The following DGKI variants were observed in gnomAD, a reference collection of about 807,000 sequenced individuals.
The protein encoded by DGKI is DAG kinase iota.
Under a neutral mutation model 147.5 loss-of-function variants are expected in DGKI, and 55 were observed. That is an observed-to-expected ratio of 0.37 (90% CI 0.30 to 0.47). DGKI has a LOEUF of 0.47. DGKI is among the 20% of genes least tolerant of loss of function. The pLI, the probability that DGKI is intolerant of heterozygous loss-of-function variation, is 1.00. For synonymous variants in DGKI, 469 were observed against 477.1 expected (o/e 0.98, Z 0.22); for missense variants, 1,007 against 1,323.8 (o/e 0.76, Z 3.71).
rs1424374195 is a variant in DGKI, at chr7:137,429,866, A to T, written c.2761+14211T>A. On this transcript the variant is annotated intron_variant, in intron 28 of 32. Coordinates refer to ENST00000614521, the MANE Select transcript of DGKI (RefSeq NM_001321708.2). ...AAACCACAATGAGATACCATCTCACACCAGTTAGAATGGCAATCATTAAAA... is the reference window on the plus strand; with the variant it reads ...AAACCACAATGAGATACCATCTCACTCCAGTTAGAATGGCAATCATTAAAA... Among the ~76,000 whole-genome samples, 185 of 120,722 alleles carry T rather than the reference A, an allele frequency of 1.5e-3. 3 individuals are homozygous for T. The East Asian group carries it at 0.037, about 24-fold the overall frequency. 79.2% of individuals were successfully genotyped at this position (120,722 alleles called of 152,430 possible).
At chr7:137,645,567 T>A in intron 5 of DGKI, 30 bp from the exon 6 acceptor site, 1 of 1,582,272 alleles carries the variant, frequency 6.3e-7, no homozygotes, top group East Asian at 2.4e-5. Flanking sequence ...AATGAATATT[T>A]TTAAAAATTT....
intron 1 of DGKI, among the ~76,000 whole-genome samples, chr7:137,837,130 C>T (rs1798407410): frequency 6.6e-6 from 1 of 152,220 alleles, no homozygotes; most frequent in Non-Finnish European, 1.5e-5. Flanking sequence ...CTCTAAGCCT[C>T]AATGTCCTTC....
At chr7:137,643,135 C>CA (rs1222902699) in intron 6 of DGKI, among the ~76,000 whole-genome samples, 1 of 151,068 alleles carries the variant, frequency 6.6e-6, no homozygotes, top group African/African-American at 2.4e-5. Context: ...ACTAAAAATA[C>CA]AAAAAATTAG....
intron 2 of DGKI, among the ~76,000 whole-genome samples, chr7:137,686,796 G>C (rs1487231993): frequency 6.6e-6 from 1 of 152,120 alleles, no homozygotes; most frequent in Non-Finnish European, 1.5e-5. Context: ...TCTCCTCAAA[G>C]CCTTTTGCCA....
chr7:137,425,153 A>G (rs989104384), intron 28 of DGKI, among the ~76,000 whole-genome samples: 8 of 152,202 alleles, frequency 5.3e-5, no homozygotes, highest in African/African-American at 1.7e-4. Flanking sequence ...ACCCCCCAGT[A>G]GGGGCAGACT....
At chr7:137,654,403 A>T (rs187058846) in intron 5 of DGKI, among the ~76,000 whole-genome samples, 2 of 152,334 alleles carry the variant, frequency 1.3e-5, no homozygotes, top group East Asian at 3.9e-4. Flanking sequence ...ATGGCAACAG[A>T]GCGACACTCT....
chr7:137,571,075 C>T (rs1008503085), intron 19 of DGKI, 100 bp downstream of exon 19: 3 of 809,136 alleles, frequency 3.7e-6, no homozygotes, highest in Non-Finnish European at 5.6e-6. Flanking sequence ...AAATGTGTAA[C>T]TTGATAAAGC....
intron 21 of DGKI, among the ~76,000 whole-genome samples, chr7:137,518,334 CA>C (rs1172478072): frequency 6.6e-6 from 1 of 152,078 alleles, no homozygotes; most frequent in African/African-American, 2.4e-5. Context: ...GAGATTCAAA[CA>C]CCAAAATTTC....
intron 4 of DGKI, 101 bp downstream of exon 4, chr7:137,656,365 G>T: frequency 2.5e-6 from 3 of 1,211,026 alleles, no homozygotes; most frequent in South Asian, 2.7e-5. Context: ...TTTTTTTTAA[G>T]GGCATTGTTT....
intron 21 of DGKI, among the ~76,000 whole-genome samples, chr7:137,511,514 A>G (rs1816579994): frequency 6.6e-6 from 1 of 152,222 alleles, no homozygotes; most frequent in Non-Finnish European, 1.5e-5. Flanking sequence ...TAGCAGGGAA[A>G]TCAGGTTAAA....
At chr7:137,448,817 T>C (rs1015726692) in intron 27 of DGKI, among the ~76,000 whole-genome samples, 6 of 152,096 alleles carry the variant, frequency 3.9e-5, no homozygotes, top group African/African-American at 1.4e-4. Flanking sequence ...CAAGAAATAG[T>C]TACAGGGAGG....
At chr7:137,705,815 C>A (rs1317397302) in intron 1 of DGKI, among the ~76,000 whole-genome samples, 1 of 151,970 alleles carries the variant, frequency 6.6e-6, no homozygotes, top group East Asian at 1.9e-4. Context: ...ATGAACATAA[C>A]TTGTTTCTTA....
At chr7:137,746,874 G>A (rs1795353298) in intron 1 of DGKI, among the ~76,000 whole-genome samples, 1 of 152,024 alleles carries the variant, frequency 6.6e-6, no homozygotes, top group Non-Finnish European at 1.5e-5. Flanking sequence ...CACCAATGGG[G>A]GACAGATAGG....
chr7:137,698,297 T>A (rs901106349), intron 1 of DGKI, among the ~76,000 whole-genome samples: 1 of 152,146 alleles, frequency 6.6e-6, no homozygotes, highest in African/African-American at 2.4e-5. Context: ...CCCACTTTCT[T>A]TCTGATTGGA....
chr7:137,472,392 T>TACATATTATATGTATATATACA (rs61018353), intron 23 of DGKI, among the ~76,000 whole-genome samples: 1 of 12,842 alleles, frequency 7.8e-5, no homozygotes, highest in African/African-American at 1.3e-4. Context: ...TATATACATA[T>TACATATTATATGTATATATACA]TATAATTATT....
At chr7:137,693,390 TG>T (rs1333096879) in intron 1 of DGKI, among the ~76,000 whole-genome samples, 1 of 152,220 alleles carries the variant, frequency 6.6e-6, no homozygotes, top group East Asian at 1.9e-4. Context: ...TAATCACAAA[TG>T]CTTCTTTGAA....
chr7:137,815,413 G>A (rs988011038), intron 1 of DGKI, among the ~76,000 whole-genome samples: 3 of 152,142 alleles, frequency 2.0e-5, no homozygotes, highest in African/African-American at 4.8e-5. Flanking sequence ...GAAGTCGGGG[G>A]TTGAGTGTAT....
chr7:137,441,503 G>A (rs112990591), intron 28 of DGKI, among the ~76,000 whole-genome samples: 43 of 151,152 alleles, frequency 2.8e-4, no homozygotes, highest in African/African-American at 8.7e-4. Flanking sequence ...CATGAGGTAC[G>A]CAGTTTATGA....
chr7:137,404,780 A>G (rs1039476260), intron 30 of DGKI, among the ~76,000 whole-genome samples: 2 of 152,200 alleles, frequency 1.3e-5, no homozygotes, highest in African/African-American at 4.8e-5. Flanking sequence ...CCCCTAAAAA[A>G]GACTGAATTC....
Sources: gnomAD v4.1 joint callset for allele counts (sites outside exome capture counted in the v4.1 genomes callset) on GRCh38, gnomAD v4.1.1 for gene constraint, MANE v1.5 for transcripts, NCBI Gene and HGNC (gene_info 2026-07-23, HGNC 2026-07-21) for gene names.